The following P4HA2 variants were observed in gnomAD, a reference collection of about 807,000 sequenced individuals.
P4HA2 encodes prolyl 4-hydroxylase subunit alpha-2.
P4HA2 carries 46 observed loss-of-function variants against 76.9 expected under a neutral mutation model. The observed-to-expected ratio is 0.60, with a 90% confidence interval of 0.47 to 0.76. P4HA2 has a LOEUF of 0.76. Ranked by LOEUF, P4HA2 falls within the 30% of genes least tolerant of loss-of-function variation. P4HA2 has a pLI of 0.00. For synonymous variants in P4HA2, 243 were observed against 254.0 expected (o/e 0.96, Z 0.41); for missense variants, 583 against 669.4 (o/e 0.87, Z 1.42).
chr5:132,227,591 C>G (rs1276968529), intron 1 of P4HA2, 199 bp downstream of exon 1: 1 of 152,556 alleles, frequency 6.6e-6, no homozygotes, highest in Non-Finnish European at 1.5e-5. Flanking sequence ...AGAACCCAGA[C>G]GGGTGCAGAA....
intron 4 of P4HA2, among the ~76,000 whole-genome samples, chr5:132,216,162 CAAAA>C (rs5871448): frequency 3.2e-5 from 2 of 63,168 alleles, no homozygotes; most frequent in Admixed American, 2.3e-4. Context: ...GACTCAGTCT[CAAAA>C]AAAAAAAAAA....
At chr5:132,210,171 A>G in intron 6 of P4HA2, 113 bp downstream of exon 6, 4 of 1,225,454 alleles carry the variant, frequency 3.3e-6, no homozygotes, top group Non-Finnish European at 4.7e-6. Flanking sequence ...TCACTGGCCA[A>G]GTGACAGGGT....
At position 132,203,833 on chromosome 5, in the gene P4HA2, T is replaced by C. The variant is rs752708135; in HGVS notation, c.1166A>G (p.Glu389Gly). 1 of 1,613,234 alleles carries C rather than the reference T, an allele frequency of 6.2e-7. No homozygotes were observed. Among genetic ancestry groups the C allele is most frequent in the African/African-American group, 1.3e-5 (1 of 74,882 alleles). The change falls in exon 10 of 15, where the codon GAA (glutamate) becomes GGA (glycine). Residue 389 changes from glutamate (E) to glycine (G), a missense_variant. Glu to Gly is a moderately conservative substitution (Grantham distance 98). Coordinates refer to ENST00000360568, the MANE Select transcript of P4HA2 (RefSeq NM_001017974.2). Reference sequence around the variant, plus strand: ...TCGGGCCACAACAGGGTCATCATCTTCCTCTAGCCAGGAGCTGGGCAAAAA... The same window carrying C: ...TCGGGCCACAACAGGGTCATCATCTCCCTCTAGCCAGGAGCTGGGCAAAAA... ...YRVSKSSWLE[E>G]DDDPVVARVN...
intron 10 of P4HA2, 50 bp downstream of exon 10, chr5:132,203,698 G>A (rs1239387461): frequency 5.0e-6 from 6 of 1,196,948 alleles, no homozygotes. Flanking sequence ...AGACCATCTA[G>A]CCACAAATAC....
chr5:132,206,763 C>T (rs1363269046), intron 8 of P4HA2, among the ~76,000 whole-genome samples: 1 of 152,124 alleles, frequency 6.6e-6, no homozygotes, highest in East Asian at 1.9e-4. Context: ...CGTAATTATG[C>T]TCTAGAAGTT....
rs534911433 is a variant in P4HA2, at chr5:132,220,073, C to T, written c.-18-1429G>A. 7.2e-5 allele frequency among the ~76,000 whole-genome samples: 11 copies of T among 152,284 alleles called. No homozygotes were observed. The East Asian group carries it at 9.6e-4, about 13-fold the overall frequency. On this transcript the variant is annotated intron_variant, in intron 1 of 14. Transcript: ENST00000360568. ...ACCTGGAACCTGCTGCAGGGTAGGG[C>T]GTATTGTGCTAAGGGGTCCATTAGG... is the stretch of plus-strand genomic sequence containing the variant.
chr5:132,214,096 G>A lies in P4HA2; in HGVS notation c.332-43C>T. 3 of 1,601,134 alleles carry A rather than the reference G, an allele frequency of 1.9e-6. No homozygotes were observed. In the South Asian group the frequency reaches 3.4e-5, roughly 18 times the overall value. On this transcript the variant is annotated intron_variant, in intron 4 of 14. Transcript: ENST00000360568. ...GAACAAGAGATTACCCTTGATCCAGGGGCAGAATTCCACTTGGGACCAGAG... is the reference window on the plus strand; with the variant it reads ...GAACAAGAGATTACCCTTGATCCAGAGGCAGAATTCCACTTGGGACCAGAG...
chr5:132,223,256 T>C (rs1233832048), intron 1 of P4HA2, among the ~76,000 whole-genome samples: 1 of 152,164 alleles, frequency 6.6e-6, no homozygotes, highest in Non-Finnish European at 1.5e-5. Context: ...TCCTCCTTTA[T>C]ACCTCACTTT....
At chr5:132,197,608 CAAAAAA>C (rs555319735) in intron 12 of P4HA2, among the ~76,000 whole-genome samples, 1 of 55,192 alleles carries the variant, frequency 1.8e-5, no homozygotes. Flanking sequence ...ACTCCATCTC[CAAAAAA>C]AAAAAAAAAA....
chr5:132,223,331 T>C (rs1243223588), intron 1 of P4HA2, among the ~76,000 whole-genome samples: 2 of 152,224 alleles, frequency 1.3e-5, no homozygotes, highest in East Asian at 3.8e-4. Context: ...GGCACAATAT[T>C]GGCTCAATGC....
chr5:132,194,971 G>A lies in P4HA2; in HGVS notation c.1486C>T (p.Arg496Ter), dbSNP rs200102278. The A allele has an allele frequency of 3.7e-6, 6 of 1,613,622 alleles. No individual in the cohort carries two copies. The highest frequency in any genetic ancestry group is 2.2e-5 in the East Asian group (1 of 44,892). Residue 496 changes from arginine (R) to a stop codon, truncating the protein, a stop_gained, in exon 14 of 15, where the codon CGA becomes TGA. Coordinates refer to ENST00000360568, the MANE Select transcript of P4HA2 (RefSeq NM_001017974.2). LOFTEE classifies it high-confidence loss of function. ...NLLRSGEGDY[R>*]TRHAACPVLV... ...ACAGGGCAGGCAGCATGTCTTGTTC[G>A]GTAGTCACCTTCCCCGCTCCGCAAG...
At chr5:132,207,310 A>T (rs190241607) in intron 8 of P4HA2, among the ~76,000 whole-genome samples, 1 of 152,268 alleles carries the variant, frequency 6.6e-6, no homozygotes, top group African/African-American at 2.4e-5. Context: ...AAAGATATAC[A>T]TTCTCCTCTA....
intron 12 of P4HA2, 140 bp downstream of exon 12, chr5:132,198,181 G>A: frequency 1.2e-6 from 2 of 1,613,926 alleles, no homozygotes; most frequent in Non-Finnish European, 8.5e-7. Flanking sequence ...TCCCCTTAGG[G>A]CTCATCAGCA....
At position 132,190,447 on chromosome 5, in the gene P4HA2, C is replaced by A. The variant is rs1053063108; in HGVS notation, c.*2563G>T. On this transcript the variant is annotated 3_prime_UTR_variant, in exon 15 of 15. Transcript: ENST00000360568. The stretch of plus-strand genomic sequence containing the variant: ...CAGTAGATAGCAATTGCCCTAGACC[C>A]AGTGGTTTTTTGCATGAGACAATTT... Among the ~76,000 whole-genome samples, 5 of 152,166 alleles carry A rather than the reference C, an allele frequency of 3.3e-5. No homozygotes were observed. The highest frequency in any genetic ancestry group is 1.2e-4 in the African/African-American group (5 of 41,446).
intron 1 of P4HA2, among the ~76,000 whole-genome samples, chr5:132,219,972 T>A (rs1330113591): frequency 6.6e-6 from 1 of 152,238 alleles, no homozygotes; most frequent in Admixed American, 6.5e-5. Context: ...CTATGCCAAA[T>A]GTCTGCAGAG....
chr5:132,197,302 G>A (rs2126536295), intron 12 of P4HA2, among the ~76,000 whole-genome samples: 1 of 152,160 alleles, frequency 6.6e-6, no homozygotes, highest in East Asian at 1.9e-4. Context: ...ACTAGCACTG[G>A]GCCCATCAAA....
At chr5:132,226,367 G>A (rs577923206) in intron 1 of P4HA2, among the ~76,000 whole-genome samples, 1 of 152,256 alleles carries the variant, frequency 6.6e-6, no homozygotes, top group South Asian at 2.1e-4. Context: ...TGAGGCCCCA[G>A]GTAGTCTATT....
intron 2 of P4HA2, 68 bp downstream of exon 2, chr5:132,218,477 T>C (rs1754224447): frequency 9.1e-7 from 1 of 1,099,848 alleles, no homozygotes; most frequent in Non-Finnish European, 1.4e-6. Flanking sequence ...GAGAACAGGC[T>C]GCAGCCAGAG....
At position 132,204,161 on chromosome 5, in the gene P4HA2, AAGG is replaced by A. The variant is rs769178509; in HGVS notation, c.1081-12_1081-10del. On this transcript the variant is annotated splice_polypyrimidine_tract_variant and intron_variant, in intron 8 of 14. Transcript: ENST00000360568. ...ACGGTGGCTCGTGCAAGCTAGAAGG[AAGG>A]AGGAGAGGGAAGACTTGATTTGTTT... 6 of 1,606,792 alleles carry A rather than the reference AAGG, an allele frequency of 3.7e-6. No homozygotes were observed. The East Asian group carries it at 8.9e-5, about 24-fold the overall frequency.
Sources: allele counts gnomAD v4.1 joint callset (sites outside exome capture counted in the v4.1 genomes callset), GRCh38; gene constraint gnomAD v4.1.1; transcripts MANE v1.5; gene names NCBI Gene and HGNC (gene_info 2026-07-23, HGNC 2026-07-21).